The following CDH4 variants were observed in gnomAD, a reference collection of about 807,000 sequenced individuals.
CDH4 encodes the protein cadherin-4.
CDH4 carries 33 observed loss-of-function variants against 86.0 expected under a neutral mutation model. That is an observed-to-expected ratio of 0.38 (90% CI 0.29 to 0.51). CDH4 has a LOEUF of 0.51. Among genes scored for constraint, CDH4 ranks in the 20% least tolerant of loss-of-function variants. CDH4 has a pLI of 0.86. For missense variants in CDH4, 1,114 were observed against 1,307.4 expected, an observed-to-expected ratio of 0.85 and a Z score of 2.28; for synonymous variants, 555 against 549.4, an observed-to-expected ratio of 1.01 and a Z score of -0.14.
intron 2 of CDH4, among the ~76,000 whole-genome samples, chr20:61,286,584 G>A (rs964488379): frequency 1.2e-4 from 18 of 152,198 alleles, no homozygotes; most frequent in African/African-American, 4.3e-4. Context: ...CCTCCTGCTC[G>A]GCAGCTTTGT....
intron 2 of CDH4, among the ~76,000 whole-genome samples, chr20:61,396,424 A>G (rs191113957): frequency 6.6e-6 from 1 of 152,172 alleles, no homozygotes; most frequent in African/African-American, 2.4e-5. Flanking sequence ...AAGCACGTGG[A>G]CTTCCCAGGA....
intron 2 of CDH4, among the ~76,000 whole-genome samples, chr20:61,366,376 A>G (rs1300881066): frequency 1.3e-5 from 2 of 152,230 alleles, no homozygotes; most frequent in East Asian, 3.8e-4. Flanking sequence ...GGGAGGTGCC[A>G]AGACCAGCTC....
intron 2 of CDH4, among the ~76,000 whole-genome samples, chr20:61,364,923 G>A (rs1258367396): frequency 2.0e-5 from 3 of 152,178 alleles, no homozygotes; most frequent in Non-Finnish European, 4.4e-5. Flanking sequence ...GGGACAGCAG[G>A]AACTCGGGTG....
intron 2 of CDH4, among the ~76,000 whole-genome samples, chr20:61,568,628 C>T (rs2086318406): frequency 6.6e-6 from 1 of 152,256 alleles, no homozygotes; most frequent in African/African-American, 2.4e-5. Context: ...TCCTGCTATG[C>T]TCCAGTCTTG....
intron 2 of CDH4, among the ~76,000 whole-genome samples, chr20:61,634,973 C>T (rs1454294978): frequency 4.4e-4 from 67 of 152,196 alleles, no homozygotes; most frequent in Admixed American, 4.4e-3. Flanking sequence ...TCGGAATTGC[C>T]TTCCTTTGTA....
chr20:61,800,202 G>C (rs1568823007), intron 4 of CDH4, among the ~76,000 whole-genome samples: 2 of 152,230 alleles, frequency 1.3e-5, no homozygotes, highest in South Asian at 4.1e-4. Flanking sequence ...CCCTTTGTGA[G>C]TGCTGCAAAG....
chr20:61,839,534 G>T (rs201356900), intron 4 of CDH4, among the ~76,000 whole-genome samples: 1 of 114,094 alleles, frequency 8.8e-6, no homozygotes, highest in African/African-American at 2.7e-5. Flanking sequence ...GTGTGTTTGT[G>T]TATGTGTATT....
chr20:61,895,912 G>T (rs1443497837), intron 8 of CDH4, among the ~76,000 whole-genome samples: 2 of 152,198 alleles, frequency 1.3e-5, no homozygotes, highest in South Asian at 4.1e-4. Context: ...AGCCCCGGGA[G>T]CCCCTCTAGA....
At chr20:61,295,582 T>C (rs1044387244) in intron 2 of CDH4, among the ~76,000 whole-genome samples, 4 of 152,092 alleles carry the variant, frequency 2.6e-5, no homozygotes, top group South Asian at 4.1e-4. Flanking sequence ...CTCCAGGAAG[T>C]TGCAGACTTG....
chr20:61,733,221 A>G (rs151098972), intron 2 of CDH4, among the ~76,000 whole-genome samples: 94 of 152,206 alleles, frequency 6.2e-4, no homozygotes, highest in East Asian at 6.0e-3. Context: ...TTTCAAGGGA[A>G]TTCTCTATGT....
intron 2 of CDH4, among the ~76,000 whole-genome samples, chr20:61,469,773 C>T (rs2085492225): frequency 1.3e-5 from 2 of 152,122 alleles, no homozygotes; most frequent in African/African-American, 2.4e-5. Context: ...TATTCTTCTG[C>T]ATATGGATAT....
intron 7 of CDH4, among the ~76,000 whole-genome samples, chr20:61,890,151 T>C (rs1984749632): frequency 2.1e-5 from 3 of 140,194 alleles, no homozygotes; most frequent in African/African-American, 2.7e-5. Context: ...GGATGGTAGA[T>C]GATGGATGGG....
intron 2 of CDH4, among the ~76,000 whole-genome samples, chr20:61,274,163 G>T (rs2084208989): frequency 7.4e-6 from 1 of 135,210 alleles, no homozygotes; most frequent in African/African-American, 2.8e-5. Context: ...ACCATGTGCA[G>T]TTTGGGGGAG....
intron 4 of CDH4, among the ~76,000 whole-genome samples, chr20:61,836,609 C>T (rs1981889551): frequency 6.6e-6 from 1 of 152,126 alleles, no homozygotes; most frequent in Non-Finnish European, 1.5e-5. Flanking sequence ...TCGGAAAATG[C>T]AAGAAATACA....
At chr20:61,637,238 G>T (rs548715741) in intron 2 of CDH4, among the ~76,000 whole-genome samples, 1 of 152,328 alleles carries the variant, frequency 6.6e-6, no homozygotes, top group Admixed American at 6.5e-5. Context: ...CTAGTGAGGG[G>T]ATGCGCGTGT....
At chr20:61,648,049 C>T (rs991216559) in intron 2 of CDH4, among the ~76,000 whole-genome samples, 2 of 152,212 alleles carry the variant, frequency 1.3e-5, no homozygotes, top group African/African-American at 2.4e-5. Context: ...GGGCACGACT[C>T]ACTGCAGGCA....
At chr20:61,569,790 C>T (rs539402541) in intron 2 of CDH4, among the ~76,000 whole-genome samples, 1 of 152,126 alleles carries the variant, frequency 6.6e-6, no homozygotes, top group Admixed American at 6.5e-5. Flanking sequence ...GATTCCTGGG[C>T]CTTTCTTTGT....
chr20:61,647,542 T>TCTCTCTCTCTCTCTCTCTCTCTCC lies in CDH4; in HGVS notation c.170-96018_170-96017insTCTCTCTCTCTCTCTCTCTCCCTC, dbSNP rs1281087765. Among the ~76,000 whole-genome samples the TCTCTCTCTCTCTCTCTCTCTCTCC allele has an allele frequency of 2.5e-4, 27 of 108,300 alleles. 2 individuals are homozygous for TCTCTCTCTCTCTCTCTCTCTCTCC. The highest frequency in any genetic ancestry group is 5.6e-4 in the South Asian group (2 of 3,554). 71.0% of individuals were successfully genotyped at this position (108,300 alleles called of 152,430 possible). On this transcript the variant is annotated intron_variant, in intron 2 of 15. Transcript: ENST00000614565. ...CACACATATTCTCTCTCCCTCTCCC[T>TCTCTCTCTCTCTCTCTCTCTCTCC]CTCCCTCTCCCTCTCCCTCTCCCTC...
chr20:61,861,590 GAACCCAACCACAGAA>G (rs148804818), intron 6 of CDH4, among the ~76,000 whole-genome samples: 1 of 152,096 alleles, frequency 6.6e-6, no homozygotes, highest in African/African-American at 2.4e-5. Flanking sequence ...CAACCACAGA[GAACCCAACCACAGAA>G]AACCCAACCA....
Sources: allele counts gnomAD v4.1 joint callset (sites outside exome capture counted in the v4.1 genomes callset), GRCh38; gene constraint gnomAD v4.1.1; transcripts MANE v1.5; gene names NCBI Gene and HGNC (gene_info 2026-07-23, HGNC 2026-07-21).